SNX29: variants seen among roughly 807,000 people sequenced by gnomAD.
SNX29 encodes the protein sorting nexin-29.
SNX29 carries 78 observed loss-of-function variants against 102.1 expected under a neutral mutation model. The ratio of observed to expected loss-of-function variants is 0.76; its 90% CI spans 0.64 to 0.92. The LOEUF is 0.92. SNX29 is among the 40% of genes least tolerant of loss of function. The pLI, the probability that SNX29 is intolerant of heterozygous loss-of-function variation, is 0.00. For synonymous variants in SNX29, 580 were observed against 414.5 expected, an observed-to-expected ratio of 1.40 and a Z score of -4.85; for missense variants, 1,280 against 1,061.7, an observed-to-expected ratio of 1.21 and a Z score of -2.86.
intron 13 of SNX29, among the ~76,000 whole-genome samples, chr16:12,159,012 T>G (rs1403982259): frequency 2.6e-5 from 4 of 152,222 alleles, no homozygotes; most frequent in Non-Finnish European, 5.9e-5. Flanking sequence ...GCCTGTTAGT[T>G]TTAGATGAGC....
chr16:12,406,340 C>T (rs2084165636), intron 18 of SNX29, among the ~76,000 whole-genome samples: 1 of 152,110 alleles, frequency 6.6e-6, no homozygotes, highest in African/African-American at 2.4e-5. Flanking sequence ...TTAAAAGAAG[C>T]TGTAAAAGAA....
rs532545707 is a variant in SNX29 at position 12,115,563 on chromosome 16, A to T, written c.1403-11070A>T. Among the ~76,000 whole-genome samples, 83 of 152,120 alleles carry T rather than the reference A, an allele frequency of 5.5e-4. 2 individuals are homozygous for T. The South Asian group carries it at 0.013, about 24-fold the overall frequency. ...GTGGAATCACTCTGTAAAGGCACAT[A>T]GAACAGCCTGTTATTCACAAGAGCT... On this transcript the variant is annotated intron_variant, in intron 11 of 20. Transcript: ENST00000566228.
At chr16:12,493,512 T>C (rs373301573) in intron 19 of SNX29, among the ~76,000 whole-genome samples, 1 of 152,206 alleles carries the variant, frequency 6.6e-6, no homozygotes, top group Non-Finnish European at 1.5e-5. Flanking sequence ...CTTTTCCTAA[T>C]TGAATACCCT....
chr16:12,328,067 C>G (rs2081175021), intron 15 of SNX29, among the ~76,000 whole-genome samples: 1 of 152,186 alleles, frequency 6.6e-6, no homozygotes, highest in South Asian at 2.1e-4. Flanking sequence ...CACCACTTTC[C>G]AGAGCCTCGG....
At chr16:12,169,893 G>A (rs1045679122) in intron 13 of SNX29, among the ~76,000 whole-genome samples, 9 of 151,966 alleles carry the variant, frequency 5.9e-5, no homozygotes, top group Admixed American at 2.6e-4. Flanking sequence ...ATCCTGCCTC[G>A]GCCTCCCAAA....
intron 12 of SNX29, among the ~76,000 whole-genome samples, chr16:12,129,057 T>C (rs913608539): frequency 6.6e-6 from 1 of 152,262 alleles, no homozygotes; most frequent in Non-Finnish European, 1.5e-5. Flanking sequence ...TCTCAGATGC[T>C]TTAGTGATAT....
At position 12,311,243 on chromosome 16, in the gene SNX29, G is replaced by A. The variant is rs571579880; in HGVS notation, c.1782+33207G>A. The stretch of plus-strand genomic sequence containing the variant: ...AAAGAAACTTCTTTCTAACCTTTCA[G>A]TGCCTCTCTCCCAGAGCTTGCTGGA... On this transcript the variant is annotated intron_variant, in intron 15 of 20. Transcript: ENST00000566228. 5.3e-4 allele frequency among the ~76,000 whole-genome samples: 81 copies of A among 151,978 alleles called. 1 individual carries two copies. Among genetic ancestry groups the A allele is most frequent in the African/African-American group, 1.9e-3 (79 of 41,400 alleles).
intron 12 of SNX29, among the ~76,000 whole-genome samples, chr16:12,127,130 G>T (rs181362029): frequency 0.012 from 1,890 of 151,718 alleles, 45 homozygotes; most frequent in African/African-American, 0.043. Flanking sequence ...GTGGTGCTGC[G>T]TGCCTGTAAT....
At chr16:12,369,358 A>G (rs1311338090) in intron 16 of SNX29, among the ~76,000 whole-genome samples, 1 of 148,494 alleles carries the variant, frequency 6.7e-6, no homozygotes, top group Non-Finnish European at 1.5e-5. Flanking sequence ...CTGGTCTTGA[A>G]CTCCTGGCCT....
At chr16:12,330,168 G>A (rs1211459395) in intron 15 of SNX29, among the ~76,000 whole-genome samples, 3 of 152,136 alleles carry the variant, frequency 2.0e-5, no homozygotes, top group Non-Finnish European at 4.4e-5. Flanking sequence ...TGAAACAGTT[G>A]GCCTGGTGCC....
At chr16:12,490,912 T>C (rs1295853271) in intron 19 of SNX29, among the ~76,000 whole-genome samples, 1 of 152,242 alleles carries the variant, frequency 6.6e-6, no homozygotes, top group Non-Finnish European at 1.5e-5. Context: ...CTTTGCACCT[T>C]TTCTCCCAGA....
At chr16:12,154,874 C>T (rs2055471526) in intron 13 of SNX29, among the ~76,000 whole-genome samples, 1 of 152,216 alleles carries the variant, frequency 6.6e-6, no homozygotes, top group African/African-American at 2.4e-5. Flanking sequence ...TAAAGGGCTC[C>T]ACCCTCATAA....
At chr16:12,559,261 C>A (rs940875710) in intron 20 of SNX29, among the ~76,000 whole-genome samples, 2 of 152,076 alleles carry the variant, frequency 1.3e-5, no homozygotes, top group African/African-American at 4.8e-5. Flanking sequence ...CTGAGCTCTG[C>A]CTGTCAGATC....
At chr16:12,545,824 A>G (rs1038303513) in intron 20 of SNX29, among the ~76,000 whole-genome samples, 1 of 152,020 alleles carries the variant, frequency 6.6e-6, no homozygotes, top group Non-Finnish European at 1.5e-5. Context: ...GACTCTCCAG[A>G]CCTGTGGGGG....
chr16:12,122,689 C>T (rs1360936728), intron 11 of SNX29, among the ~76,000 whole-genome samples: 1 of 152,048 alleles, frequency 6.6e-6, no homozygotes, highest in South Asian at 2.1e-4. Context: ...CAGGAGAGGG[C>T]CTAGGTGGAG....
intron 13 of SNX29, among the ~76,000 whole-genome samples, chr16:12,156,697 C>G (rs1186039252): frequency 2.0e-5 from 3 of 152,250 alleles, no homozygotes; most frequent in African/African-American, 7.2e-5. Context: ...CAAGGCAGGC[C>G]TCTCTAGGTC....
At chr16:12,526,606 C>G (rs1481340562) in intron 20 of SNX29, 12 of 532,722 alleles carry the variant, frequency 2.3e-5, no homozygotes, top group Admixed American at 4.5e-5. Context: ...GAGTTCTCAT[C>G]CTCTTAGCGG....
chr16:11,991,731 T>C (rs1204908945), intron 1 of SNX29, among the ~76,000 whole-genome samples: 44 of 117,002 alleles, frequency 3.8e-4, no homozygotes, highest in African/African-American at 7.0e-4. Flanking sequence ...TTTTTTTTTT[T>C]CCAGTAGAGA....
chr16:12,082,703 T>A (rs1265542674), intron 11 of SNX29, among the ~76,000 whole-genome samples: 1 of 152,150 alleles, frequency 6.6e-6, no homozygotes, highest in Non-Finnish European at 1.5e-5. Flanking sequence ...AGAAACGTGG[T>A]CTGTGGTTAG....
Sources: gnomAD v4.1 joint callset for allele counts (sites outside exome capture counted in the v4.1 genomes callset) on GRCh38, gnomAD v4.1.1 for gene constraint, MANE v1.5 for transcripts, NCBI Gene and HGNC (gene_info 2026-07-23, HGNC 2026-07-21) for gene names.